Variants in CSMD3 observed in about 807,000 individuals in gnomAD.
The protein encoded by CSMD3 is CUB and Sushi multiple domains 3.
In CSMD3, 177 loss-of-function variants were observed where a neutral mutation model predicts 435.2. That is an observed-to-expected ratio of 0.41 (90% CI 0.36 to 0.46). The LOEUF is 0.46. Among genes scored for constraint, CSMD3 ranks in the 20% least tolerant of loss-of-function variants. The pLI is 0.34. For missense variants in CSMD3, 4,265 were observed against 4,504.6 expected, an observed-to-expected ratio of 0.95 and a Z score of 1.52; for synonymous variants, 1,656 against 1,520.5, an observed-to-expected ratio of 1.09 and a Z score of -2.07.
intron 8 of CSMD3, among the ~76,000 whole-genome samples, chr8:112,949,800 T>C (rs78664784): frequency 0.028 from 4,262 of 152,156 alleles, 81 homozygotes; most frequent in Admixed American, 0.041. Context: ...GTCACCAACA[T>C]GCATCCATCA....
intron 27 of CSMD3, among the ~76,000 whole-genome samples, chr8:112,519,950 C>T (rs761761335): frequency 6.6e-6 from 1 of 152,060 alleles, no homozygotes; most frequent in African/African-American, 2.4e-5. Context: ...CTGAAACATG[C>T]TATTAATCTT....
At chr8:112,306,221 G>C (rs763827193) in intron 50 of CSMD3, 29 bp from the exon 51 acceptor site, 1 of 1,563,060 alleles carries the variant, frequency 6.4e-7, no homozygotes, top group Non-Finnish European at 8.8e-7. Context: ...AAGCAAAATC[G>C]TATAAACAGA....
chr8:112,555,150 A>T (rs1828006816), intron 25 of CSMD3, among the ~76,000 whole-genome samples: 1 of 151,964 alleles, frequency 6.6e-6, no homozygotes, highest in Non-Finnish European at 1.5e-5. Flanking sequence ...TATCAAGTCA[A>T]CATGTTTTGA....
At chr8:113,139,039 A>G (rs920319021) in intron 4 of CSMD3, among the ~76,000 whole-genome samples, 1 of 151,042 alleles carries the variant, frequency 6.6e-6, no homozygotes, top group African/African-American at 2.4e-5. Context: ...TATCCAATGG[A>G]TGGGCTTAAC....
chr8:112,783,411 A>AGGG (rs1258926595), intron 13 of CSMD3, among the ~76,000 whole-genome samples: 7 of 98,464 alleles, frequency 7.1e-5, no homozygotes, highest in East Asian at 3.7e-4. Context: ...GGAAGGAAGG[A>AGGG]AGGAGGGAGG....
intron 7 of CSMD3, among the ~76,000 whole-genome samples, chr8:112,960,183 AC>A (rs2084175758): frequency 1.3e-5 from 2 of 151,572 alleles, no homozygotes; most frequent in Non-Finnish European, 3.0e-5. Flanking sequence ...CAAAAATTTA[AC>A]TTTTTTTTTT....
intron 1 of CSMD3, among the ~76,000 whole-genome samples, chr8:113,329,870 T>C (rs748895125): frequency 2.6e-5 from 4 of 151,544 alleles, no homozygotes; most frequent in Non-Finnish European, 5.9e-5. Context: ...GAAGGAGAAA[T>C]AATGACATTT....
intron 1 of CSMD3, among the ~76,000 whole-genome samples, chr8:113,364,324 C>G (rs1196222664): frequency 6.6e-6 from 1 of 151,698 alleles, no homozygotes; most frequent in Non-Finnish European, 1.5e-5. Context: ...TGTAATCACT[C>G]TATGTATAGT....
At chr8:112,773,949 T>C (rs754480275) in intron 13 of CSMD3, among the ~76,000 whole-genome samples, 2 of 152,054 alleles carry the variant, frequency 1.3e-5, no homozygotes, top group African/African-American at 2.4e-5. Flanking sequence ...ACCTGAGGCA[T>C]TGTGAGGCTA....
intron 13 of CSMD3, among the ~76,000 whole-genome samples, chr8:112,797,868 G>A (rs2078865236): frequency 6.6e-6 from 1 of 151,578 alleles, no homozygotes; most frequent in Non-Finnish European, 1.5e-5. Context: ...AAACTTTTGA[G>A]GACATATTTT....
At chr8:112,686,257 A>G (rs1408772545) in intron 14 of CSMD3, among the ~76,000 whole-genome samples, 1 of 152,220 alleles carries the variant, frequency 6.6e-6, no homozygotes, top group African/African-American at 2.4e-5. Flanking sequence ...TTTAACAGCC[A>G]TTAGTGGCTA....
chr8:112,655,085 A>T (rs2075223987), intron 18 of CSMD3, among the ~76,000 whole-genome samples: 1 of 152,164 alleles, frequency 6.6e-6, no homozygotes, highest in Non-Finnish European at 1.5e-5. Flanking sequence ...TAATATAGTC[A>T]AACAATACTG....
At chr8:112,902,910 T>C (rs1459005) in intron 10 of CSMD3, among the ~76,000 whole-genome samples, 6,033 of 151,308 alleles carry the variant, frequency 0.04, 145 homozygotes, top group African/African-American at 0.049. Context: ...TAAATCTACT[T>C]CACCCACTTC....
At chr8:112,863,569 C>A (rs1283348829) in intron 10 of CSMD3, among the ~76,000 whole-genome samples, 1 of 152,038 alleles carries the variant, frequency 6.6e-6, no homozygotes, top group Non-Finnish European at 1.5e-5. Context: ...AGATGACACA[C>A]ATCTCTCCAT....
chr8:112,795,844 A>C (rs1241053468), intron 13 of CSMD3, among the ~76,000 whole-genome samples: 1 of 152,174 alleles, frequency 6.6e-6, no homozygotes, highest in Non-Finnish European at 1.5e-5. Context: ...AGCATTAAAT[A>C]CTGTGGCCAA....
chr8:113,253,704 G>C (rs926333615), intron 3 of CSMD3, among the ~76,000 whole-genome samples: 1 of 151,880 alleles, frequency 6.6e-6, no homozygotes, highest in Non-Finnish European at 1.5e-5. Context: ...GCTGGGCATG[G>C]TGATGTGTGC....
chr8:112,246,967 A>T (rs1022241991), intron 64 of CSMD3, 53 bp downstream of exon 64: 2 of 1,250,392 alleles, frequency 1.6e-6, no homozygotes, highest in Admixed American at 3.5e-5. Flanking sequence ...GGGAGAAAAA[A>T]TGCATATAAA....
intron 33 of CSMD3, 100 bp downstream of exon 33, chr8:112,408,819 T>C (rs1832080857): frequency 1.9e-6 from 3 of 1,583,354 alleles, no homozygotes; most frequent in East Asian, 2.3e-5. Context: ...GTTTGCTTTA[T>C]TTCTTATATT....
intron 1 of CSMD3, among the ~76,000 whole-genome samples, chr8:113,329,022 G>A (rs1160989172): frequency 2.0e-5 from 3 of 151,308 alleles, no homozygotes; most frequent in African/African-American, 7.3e-5. Flanking sequence ...GATTACAGCT[G>A]CGAGCCACCA....
Sources: allele counts gnomAD v4.1 joint callset (sites outside exome capture counted in the v4.1 genomes callset), GRCh38; gene constraint gnomAD v4.1.1; transcripts MANE v1.5; gene names NCBI Gene and HGNC (gene_info 2026-07-23, HGNC 2026-07-21).